Variants in LIN52 observed in about 807,000 individuals in gnomAD.
LIN52 encodes lin-52 DREAM MuvB core complex component, also known as protein lin-52 homolog.
A neutral mutation model predicts 18.5 loss-of-function variants in LIN52; 4 were observed. The observed-to-expected ratio is 0.22, with a 90% CI of 0.11 to 0.49. The LOEUF (loss-of-function observed/expected upper bound fraction) is 0.49. Ranked by LOEUF, LIN52 falls within the 20% of genes least tolerant of loss-of-function variation. The pLI, the probability that LIN52 is intolerant of heterozygous loss-of-function variation, is 0.97. For missense variants in LIN52, 102 were observed against 139.5 expected, an observed-to-expected ratio of 0.73 and a Z score of 1.35; for synonymous variants, 34 against 45.5, an observed-to-expected ratio of 0.75 and a Z score of 1.02.
rs150286189 is a variant in LIN52, at chr14:74,094,125, C to T, written c.95-1823C>T. Among the ~76,000 whole-genome samples the T allele has an allele frequency of 4.7e-3, 716 of 152,116 alleles. 2 individuals carry two copies. Among genetic ancestry groups the T allele is most frequent in the African/African-American group, 0.015 (605 of 41,496 alleles). ...TGCATGTGGCCTGCCACTTAACTTACTCCACATGTGAACAGTTCCATCTTG... is the reference window on the plus strand; with the variant it reads ...TGCATGTGGCCTGCCACTTAACTTATTCCACATGTGAACAGTTCCATCTTG... On this transcript the variant is annotated intron_variant, in intron 2 of 5. Coordinates refer to ENST00000555028, the MANE Select transcript of LIN52 (RefSeq NM_001024674.3).
At chr14:74,119,638 G>A (rs899977149) in intron 5 of LIN52, among the ~76,000 whole-genome samples, 9 of 152,094 alleles carry the variant, frequency 5.9e-5, no homozygotes, top group Admixed American at 5.9e-4. Context: ...ACCAACAGGT[G>A]TATTCTCAGT....
At chr14:74,087,148 G>A (rs1326082394) in intron 1 of LIN52, among the ~76,000 whole-genome samples, 1 of 152,050 alleles carries the variant, frequency 6.6e-6, no homozygotes, top group Non-Finnish European at 1.5e-5. Flanking sequence ...TGGCGTGGTG[G>A]CTCACGCCTG....
chr14:74,177,515 T>C (rs1330523578), intron 5 of LIN52, among the ~76,000 whole-genome samples: 1 of 152,242 alleles, frequency 6.6e-6, no homozygotes, highest in East Asian at 1.9e-4. Context: ...CACTCAACCA[T>C]TCATTAGTCT....
chr14:74,108,155 TTAAGA>T (rs2060908264), intron 5 of LIN52, among the ~76,000 whole-genome samples: 1 of 152,228 alleles, frequency 6.6e-6, no homozygotes, highest in Non-Finnish European at 1.5e-5. Context: ...ATTCTTTCTG[TTAAGA>T]TAATGTTTTC....
rs1566867516 is a variant in LIN52 at position 74,175,752 on chromosome 14, C to CACACCCA, written c.284-23170_284-23169insACACCCA. 6.0e-5 allele frequency among the ~76,000 whole-genome samples: 7 copies of CACACCCA among 116,138 alleles called. No individual in the cohort carries two copies. The East Asian group carries it at 1.6e-3, about 26-fold the overall frequency. The allele number at this position is 116,138 out of a possible 152,430, so 76.2% of individuals were successfully genotyped here. Reference sequence around the variant, plus strand: ...CACACACACACACACACACACACACCCCCATTATACAGCTATACCAAAATC... The same window carrying CACACCCA: ...CACACACACACACACACACACACACCACACCCACCCATTATACAGCTATACCAAAATC... On this transcript the variant is annotated intron_variant, in intron 5 of 5. Transcript: ENST00000555028.
intron 5 of LIN52, among the ~76,000 whole-genome samples, 173 bp from the exon 6 acceptor site, chr14:74,198,749 C>T (rs569860632): frequency 1.3e-5 from 2 of 152,286 alleles, no homozygotes; most frequent in African/African-American, 4.8e-5. Flanking sequence ...TTTTAGTTGT[C>T]TATAGTGGTT....
intron 2 of LIN52, among the ~76,000 whole-genome samples, chr14:74,094,053 G>C (rs2060791458): frequency 6.6e-6 from 1 of 151,332 alleles, no homozygotes; most frequent in Admixed American, 6.6e-5. Flanking sequence ...AATTTTTTAA[G>C]TATGTATAAG....
At chr14:74,132,466 T>C (rs1250696790) in intron 5 of LIN52, among the ~76,000 whole-genome samples, 1 of 152,184 alleles carries the variant, frequency 6.6e-6, no homozygotes, top group Non-Finnish European at 1.5e-5. Context: ...ATTGGGTGAA[T>C]AGAATTGAGA....
intron 2 of LIN52, among the ~76,000 whole-genome samples, chr14:74,095,432 G>A (rs1452302899): frequency 6.6e-6 from 1 of 151,880 alleles, no homozygotes; most frequent in Non-Finnish European, 1.5e-5. Context: ...ACTGCACCCG[G>A]CCCGTTTTTT....
intron 5 of LIN52, among the ~76,000 whole-genome samples, chr14:74,103,267 T>C (rs2060871784): frequency 6.6e-6 from 1 of 151,936 alleles, no homozygotes; most frequent in Admixed American, 6.6e-5. Flanking sequence ...TTAGTAGAGA[T>C]GGGGTTTCAC....
intron 5 of LIN52, among the ~76,000 whole-genome samples, chr14:74,154,073 C>T (rs1053597954): frequency 6.6e-6 from 1 of 151,634 alleles, no homozygotes; most frequent in Non-Finnish European, 1.5e-5. Flanking sequence ...AGTTAATGAA[C>T]CAATAAAGTC....
chr14:74,106,882 C>T (rs146726228), intron 5 of LIN52, among the ~76,000 whole-genome samples: 279 of 152,362 alleles, frequency 1.8e-3, no homozygotes, highest in Non-Finnish European at 3.1e-3. Flanking sequence ...TGAGCCACCA[C>T]GCCCGGCCCC....
At chr14:74,171,999 A>G (rs962263085) in intron 5 of LIN52, among the ~76,000 whole-genome samples, 3 of 152,152 alleles carry the variant, frequency 2.0e-5, no homozygotes, top group African/African-American at 7.2e-5. Flanking sequence ...GGCCTCCCAA[A>G]GTGCTGGGAT....
rs10142132 is a variant in LIN52 at position 74,137,788 on chromosome 14, G to A, written c.283+36550G>A. ...GCTGAGATTACAGGCATGAGCCACC[G>A]CGCCTGGCCTCACAGTAGCTCTTTT... On this transcript the variant is annotated intron_variant, in intron 5 of 5. Transcript: ENST00000555028. 8.3e-3 allele frequency among the ~76,000 whole-genome samples: 1,268 copies of A among 152,132 alleles called. 17 individuals are homozygous for A. Among genetic ancestry groups the A allele is most frequent in the African/African-American group, 0.029 (1,195 of 41,510 alleles).
chr14:74,165,513 C>CTTTTCTTTTTTTTTT (rs1555384151), intron 5 of LIN52, among the ~76,000 whole-genome samples: 11 of 110,222 alleles, frequency 1.0e-4, no homozygotes, highest in Non-Finnish European at 1.4e-4. Flanking sequence ...GTTTTCTTTT[C>CTTTTCTTTTTTTTTT]TTTTTTTTTT....
At chr14:74,183,411 G>A (rs898235481) in intron 5 of LIN52, among the ~76,000 whole-genome samples, 13 of 152,000 alleles carry the variant, frequency 8.6e-5, no homozygotes, top group African/African-American at 3.1e-4. Context: ...AAAGTTACCC[G>A]CTTCTAAAGC....
intron 5 of LIN52, among the ~76,000 whole-genome samples, chr14:74,116,025 C>T (rs1329268582): frequency 6.6e-6 from 1 of 152,128 alleles, no homozygotes; most frequent in Non-Finnish European, 1.5e-5. Flanking sequence ...GAAAATGGGC[C>T]AGGCATGGTG....
intron 5 of LIN52, among the ~76,000 whole-genome samples, chr14:74,165,973 C>A (rs1356738199): frequency 6.6e-6 from 1 of 151,840 alleles, no homozygotes; most frequent in Non-Finnish European, 1.5e-5. Flanking sequence ...CTCACCGCAA[C>A]TTCCACCTCC....
At chr14:74,169,055 A>T (rs1289119746) in intron 5 of LIN52, among the ~76,000 whole-genome samples, 1 of 152,230 alleles carries the variant, frequency 6.6e-6, no homozygotes. Context: ...CTCTTGTCTC[A>T]AAATAAAAAA....
Sources: allele counts gnomAD v4.1 joint callset (sites outside exome capture counted in the v4.1 genomes callset), GRCh38; gene constraint gnomAD v4.1.1; transcripts MANE v1.5; gene names NCBI Gene and HGNC (gene_info 2026-07-23, HGNC 2026-07-21).